Variants in SMCHD1 observed in about 807,000 individuals in gnomAD.
The protein encoded by SMCHD1 is structural maintenance of chromosomes flexible hinge domain-containing protein 1.
A neutral mutation model predicts 254.7 loss-of-function variants in SMCHD1; 78 were observed. The observed-to-expected ratio is 0.31, with a 90% CI of 0.26 to 0.37. SMCHD1 has a LOEUF of 0.37. Ranked by LOEUF, SMCHD1 falls within the 10% of genes least tolerant of loss-of-function variation. The pLI, the probability that SMCHD1 is intolerant of heterozygous loss-of-function variation, is 1.00. For missense variants in SMCHD1, 1,840 were observed against 2,408.1 expected (o/e 0.76, Z 4.94); for synonymous variants, 766 against 794.9 (o/e 0.96, Z 0.61).
chr18:2,793,996 ATGTT>A (rs954359404), intron 45 of SMCHD1, among the ~76,000 whole-genome samples: 3 of 152,110 alleles, frequency 2.0e-5, no homozygotes, highest in Admixed American at 1.3e-4. Context: ...CTACTTATAT[ATGTT>A]TAAGTGTTTG....
chr18:2,716,413 C>A (rs1311984965), intron 17 of SMCHD1, among the ~76,000 whole-genome samples: 1 of 152,200 alleles, frequency 6.6e-6, no homozygotes, highest in Non-Finnish European at 1.5e-5. Flanking sequence ...CTGGATGCAG[C>A]TGTTGTGGTA....
In SMCHD1 at chr18:2,740,802, A is replaced by G; in HGVS notation, c.3614A>G (p.Asn1205Ser). The G allele has an allele frequency of 6.2e-7, 1 of 1,604,482 alleles. No individual in the cohort carries two copies. The highest frequency in any genetic ancestry group is 1.1e-5 in the South Asian group (1 of 89,778). ...SIAGVGLDSS[N>S]LKTTFQENTQ... Reference sequence around the variant, plus strand: ...GCTGGGGTTGGACTTGATAGCTCAAATTTGAAAACAACCTTTCAGGTATGG... The same window carrying G: ...GCTGGGGTTGGACTTGATAGCTCAAGTTTGAAAACAACCTTTCAGGTATGG... The change falls in exon 28 of 48, where the codon AAT becomes AGT. Residue 1205 changes from asparagine (N) to serine (S), a missense_variant. Coordinates refer to ENST00000320876, the MANE Select transcript of SMCHD1 (RefSeq NM_015295.3).
At chr18:2,719,677 A>AT (rs59838462) in intron 19 of SMCHD1, among the ~76,000 whole-genome samples, 110,909 of 144,744 alleles carry the variant, frequency 0.77, 42,525 homozygotes, top group African/African-American at 0.82. Context: ...ACTGCACCTA[A>AT]TTTTTTTTTT....
intron 24 of SMCHD1, among the ~76,000 whole-genome samples, chr18:2,731,592 G>C (rs1286825568): frequency 2.0e-5 from 3 of 152,110 alleles, no homozygotes. Flanking sequence ...TATGGTAGCT[G>C]TTTGTCTCTG....
chr18:2,658,951 CACAT>C, intron 1 of SMCHD1, among the ~76,000 whole-genome samples: 1 of 151,462 alleles, frequency 6.6e-6, no homozygotes, highest in South Asian at 2.1e-4. Context: ...TATATACACA[CACAT>C]ATATATATTT....
chr18:2,751,333 A>C lies in SMCHD1; in HGVS notation c.4221A>C (p.Pro1407=), dbSNP rs1379641186. 1.3e-6 allele frequency: 2 copies of C among 1,583,032 alleles called. No individual in the cohort carries two copies. Among genetic ancestry groups the C allele is most frequent in the Non-Finnish European group, 8.5e-7 (1 of 1,169,742 alleles). The change falls in exon 33 of 48, where the codon CCA becomes CCC. Residue 1407 remains proline (P), a synonymous_variant. Coordinates refer to ENST00000320876, the MANE Select transcript of SMCHD1 (RefSeq NM_015295.3). ...ACAGTATCATTAAAAACATTAATCC[A>C]GCACGTATTTCCATGAAAATGTGGA... ...EDDSIIKNIN[P]ARISMKMWKL...
At chr18:2,698,484 TG>T (rs1457123730) in intron 10 of SMCHD1, among the ~76,000 whole-genome samples, 3 of 152,148 alleles carry the variant, frequency 2.0e-5, no homozygotes, top group African/African-American at 7.2e-5. Flanking sequence ...TTATGGTCAA[TG>T]CATCTGTGTT....
chr18:2,786,863 T>G (rs1036057346), intron 45 of SMCHD1, among the ~76,000 whole-genome samples: 3 of 152,188 alleles, frequency 2.0e-5, no homozygotes, highest in Non-Finnish European at 4.4e-5. Context: ...GCGTACTTTT[T>G]TATATGTCTA....
chr18:2,785,511 G>C (rs1182116671), intron 45 of SMCHD1, among the ~76,000 whole-genome samples: 1 of 151,788 alleles, frequency 6.6e-6, no homozygotes, highest in Non-Finnish European at 1.5e-5. Context: ...AATTAGCTGG[G>C]CGTGGTGACA....
chr18:2,691,784 A>G (rs1251155353), intron 7 of SMCHD1: 1 of 152,270 alleles, frequency 6.6e-6, no homozygotes, highest in Non-Finnish European at 1.5e-5. Flanking sequence ...ATAATCATTC[A>G]GTTAGAGGAC....
At position 2,671,752 on chromosome 18, in the gene SMCHD1, C is replaced by T. The variant is rs113520975; in HGVS notation, c.425-1529C>T. 1.6e-3 allele frequency among the ~76,000 whole-genome samples: 247 copies of T among 151,738 alleles called. 2 individuals carry two copies. The highest frequency in any genetic ancestry group is 5.8e-3 in the African/African-American group (239 of 41,488). On this transcript the variant is annotated intron_variant, in intron 3 of 47. Transcript: ENST00000320876. ...CTGGGACTGCAGGCGCCCACCAGCA[C>T]GCCTGGCGAATTTTTTTGTATTTTT...
chr18:2,707,800 C>G lies in SMCHD1; in HGVS notation c.2147-7C>G. On this transcript the variant is annotated splice_region_variant and splice_polypyrimidine_tract_variant and intron_variant, in intron 16 of 47. Coordinates refer to ENST00000320876, the MANE Select transcript of SMCHD1 (RefSeq NM_015295.3). ...TAATTAAGATACTTTTAATTTTTGA[C>G]TCATAGGTGCGTTAAGAATTGAAAT... is the stretch of plus-strand genomic sequence containing the variant. The G allele has an allele frequency of 1.9e-6, 3 of 1,586,878 alleles. No individual in the cohort carries two copies. The highest frequency in any genetic ancestry group is 2.6e-6 in the Non-Finnish European group (3 of 1,168,814).
At chr18:2,695,467 A>G (rs544169281) in intron 8 of SMCHD1, among the ~76,000 whole-genome samples, 1 of 151,832 alleles carries the variant, frequency 6.6e-6, no homozygotes, top group African/African-American at 2.4e-5. Context: ...GTGCCACCAC[A>G]CTCAACTAAT....
At chr18:2,670,784 C>A (rs2073571723) in intron 3 of SMCHD1, among the ~76,000 whole-genome samples, 1 of 151,652 alleles carries the variant, frequency 6.6e-6, no homozygotes, top group Non-Finnish European at 1.5e-5. Flanking sequence ...GCCTGTAATT[C>A]CAACTACTCG....
Position 2,802,573 on chromosome 18 carries a change from C to T in SMCHD1, c.*21C>T. On this transcript the variant is annotated 3_prime_UTR_variant, in exon 48 of 48. Transcript: ENST00000320876. ...TATGAGAGGTGACAGAGAGAAGAGG[C>T]CATTGGTCTCAGTAAGAATGCCCTG... The T allele has an allele frequency of 6.5e-7, 1 of 1,547,578 alleles. No individual in the cohort carries two copies. Among genetic ancestry groups the T allele is most frequent in the African/African-American group, 1.4e-5 (1 of 72,844 alleles).
At chr18:2,774,798 C>G (rs1485913608) in intron 41 of SMCHD1, among the ~76,000 whole-genome samples, 3 of 152,178 alleles carry the variant, frequency 2.0e-5, no homozygotes, top group Non-Finnish European at 4.4e-5. Context: ...GTAGACACCA[C>G]CATCCTAGCA....
At chr18:2,749,955 A>G (rs2075540216) in intron 30 of SMCHD1, 88 bp from the exon 31 acceptor site, 2 of 1,156,202 alleles carry the variant, frequency 1.7e-6, no homozygotes, top group Middle Eastern at 2.1e-4. Flanking sequence ...AAATAGGAAT[A>G]GAGGGAAAGA....
intron 20 of SMCHD1, among the ~76,000 whole-genome samples, chr18:2,724,383 A>C (rs755914366): frequency 1.3e-5 from 2 of 151,892 alleles, no homozygotes; most frequent in Non-Finnish European, 2.9e-5. Flanking sequence ...ATGGAAGTAG[A>C]TTAGGTGATG....
chr18:2,660,751 T>G (rs909655936), intron 1 of SMCHD1, among the ~76,000 whole-genome samples: 1 of 152,152 alleles, frequency 6.6e-6, no homozygotes, highest in Non-Finnish European at 1.5e-5. Flanking sequence ...GTGCTGGGAT[T>G]ACAGGCATGC....
Sources: gnomAD v4.1 joint callset for allele counts (sites outside exome capture counted in the v4.1 genomes callset) on GRCh38, gnomAD v4.1.1 for gene constraint, MANE v1.5 for transcripts, NCBI Gene and HGNC (gene_info 2026-07-23, HGNC 2026-07-21) for gene names.